The following ZNF516 variants were observed in gnomAD, a reference collection of about 807,000 sequenced individuals.
ZNF516 encodes zinc finger protein 516.
ZNF516 carries 19 observed loss-of-function variants against 79.7 expected under a neutral mutation model. That is an observed-to-expected ratio of 0.24 (90% CI 0.17 to 0.35). The LOEUF (loss-of-function observed/expected upper bound fraction) is 0.35. Among genes scored for constraint, ZNF516 ranks in the 10% least tolerant of loss-of-function variants. ZNF516 has a pLI of 1.00. For missense variants in ZNF516, 1,678 were observed against 1,679.5 expected (o/e 1.00, Z 0.02); for synonymous variants, 877 against 739.5 (o/e 1.19, Z -3.02).
intron 3 of ZNF516, among the ~76,000 whole-genome samples, chr18:76,414,153 T>C (rs1272643402): frequency 6.6e-6 from 1 of 152,232 alleles, no homozygotes; most frequent in Admixed American, 6.5e-5. Flanking sequence ...TTACATTAAA[T>C]TAGTGAAATC....
chr18:76,496,352 A>G (rs1163599664), upstream of ZNF516: 8 of 1,289,540 alleles, frequency 6.2e-6, no homozygotes, highest in Admixed American at 1.4e-4. Flanking sequence ...AAGACGCCCA[A>G]CGTGGCTCCG....
chr18:76,450,152 T>C (rs1192363853), intron 2 of ZNF516, among the ~76,000 whole-genome samples: 4 of 122,972 alleles, frequency 3.3e-5, no homozygotes. Context: ...AGAAGGCAAA[T>C]GTACCAGAAT....
chr18:76,489,589 A>C (rs1326888934), intron 1 of ZNF516, among the ~76,000 whole-genome samples: 2 of 107,472 alleles, frequency 1.9e-5, no homozygotes, highest in Non-Finnish European at 4.1e-5. Context: ...CATCTTACAA[A>C]AAAAAAAAAA....
At chr18:76,465,742 G>C (rs995718415) in intron 1 of ZNF516, among the ~76,000 whole-genome samples, 1 of 152,204 alleles carries the variant, frequency 6.6e-6, no homozygotes, top group Non-Finnish European at 1.5e-5. Flanking sequence ...TGAGGGCACA[G>C]AAGTCCCTGC....
At chr18:76,362,624 T>G (rs1274294132) in intron 6 of ZNF516, 67 bp from the exon 7 acceptor site, 2 of 1,464,960 alleles carry the variant, frequency 1.4e-6, no homozygotes, top group Non-Finnish European at 1.9e-6. Flanking sequence ...AAATGCATTT[T>G]TCCTATTAAT....
intron 3 of ZNF516, among the ~76,000 whole-genome samples, chr18:76,422,831 G>A (rs2075525544): frequency 6.6e-6 from 1 of 152,106 alleles, no homozygotes; most frequent in Non-Finnish European, 1.5e-5. Flanking sequence ...CGTAAACAAT[G>A]ACAAACTGGA....
At position 76,360,306 on chromosome 18, in the gene ZNF516, T is replaced by G. The variant is rs553612660; in HGVS notation, c.*2192A>C. ...GGGTACAGAATTTCTTTTTAATAAC[T>G]AAAACACAGAGAAACAGGACTGGGT... On this transcript the variant is annotated 3_prime_UTR_variant, in exon 7 of 7. Transcript: ENST00000443185. 2 of 152,208 alleles carry G rather than the reference T, an allele frequency of 1.3e-5. No individual in the cohort carries two copies. Among genetic ancestry groups the G allele is most frequent in the South Asian group, 4.2e-4 (2 of 4,818 alleles). The allele number at this position is 152,208 out of a possible 1,614,324, so 9.4% of individuals were successfully genotyped here.
chr18:76,435,478 C>A (rs553792574), intron 3 of ZNF516, among the ~76,000 whole-genome samples: 52 of 152,224 alleles, frequency 3.4e-4, no homozygotes, highest in African/African-American at 1.3e-3. Context: ...ATGAGGACAC[C>A]CAGGGCCCTG....
At chr18:76,431,336 A>G (rs1490726830) in intron 3 of ZNF516, among the ~76,000 whole-genome samples, 4 of 152,238 alleles carry the variant, frequency 2.6e-5, no homozygotes, top group African/African-American at 9.6e-5. Flanking sequence ...TTATGAAATA[A>G]TTCAGTGTGC....
In ZNF516 at chr18:76,459,141, C is replaced by T. The variant is rs1366572721; in HGVS notation, c.-158+3887G>A. On this transcript the variant is annotated intron_variant, in intron 2 of 6. Coordinates refer to ENST00000443185, the MANE Select transcript of ZNF516 (RefSeq NM_014643.4). The surrounding 1 kb of genome is among the most constrained non-coding windows in gnomAD (Gnocchi z 5.0). ...CACTCGTGCCCATGTGCCTGGATTA[C>T]CAGCTTCGCACAGAGCCAGACGCTG... is the stretch of plus-strand genomic sequence containing the variant. 6.6e-6 allele frequency among the ~76,000 whole-genome samples: 1 copy of T among 152,226 alleles called. No homozygotes were observed. The highest frequency in any genetic ancestry group is 2.1e-4 in the South Asian group (1 of 4,832).
chr18:76,377,320 A>C (rs762546616), intron 4 of ZNF516, among the ~76,000 whole-genome samples: 37 of 152,282 alleles, frequency 2.4e-4, no homozygotes, highest in Non-Finnish European at 3.5e-4. Flanking sequence ...CTCATCCTAA[A>C]AAGTTCACAA....
At chr18:76,381,576 T>TA (rs2145049190) in intron 3 of ZNF516, among the ~76,000 whole-genome samples, 1 of 152,324 alleles carries the variant, frequency 6.6e-6, no homozygotes, top group Non-Finnish European at 1.5e-5. Flanking sequence ...AACAAACTGG[T>TA]AACAAATCCA....
intron 3 of ZNF516, among the ~76,000 whole-genome samples, chr18:76,434,905 C>T (rs145337338): frequency 3.0e-4 from 45 of 152,376 alleles, no homozygotes; most frequent in African/African-American, 9.6e-4. Context: ...ACTTCTAATA[C>T]CACACTGTGA....
At chr18:76,415,298 C>T (rs1046033456) in intron 3 of ZNF516, among the ~76,000 whole-genome samples, 1 of 152,186 alleles carries the variant, frequency 6.6e-6, no homozygotes, top group Non-Finnish European at 1.5e-5. Context: ...ACTGATAAGG[C>T]GTGAGTGTTC....
intron 6 of ZNF516, among the ~76,000 whole-genome samples, chr18:76,362,846 A>C (rs1012516989): frequency 4.6e-5 from 7 of 152,218 alleles, no homozygotes; most frequent in Admixed American, 6.5e-5. Context: ...TAATGGTTTC[A>C]CATGTAAGAA....
chr18:76,404,138 T>A (rs930540418), intron 3 of ZNF516, among the ~76,000 whole-genome samples: 2 of 152,230 alleles, frequency 1.3e-5, no homozygotes, highest in Non-Finnish European at 2.9e-5. Context: ...CAAATGTTGC[T>A]GAAAAGTCAC....
intron 1 of ZNF516, among the ~76,000 whole-genome samples, chr18:76,468,364 T>C (rs1358644397): frequency 6.6e-6 from 1 of 151,368 alleles, no homozygotes; most frequent in Non-Finnish European, 1.5e-5. Context: ...TTCTTAAACA[T>C]TATGAGGTTT....
intron 3 of ZNF516, among the ~76,000 whole-genome samples, chr18:76,423,369 G>C (rs2145393101): frequency 6.6e-6 from 1 of 152,330 alleles, no homozygotes; most frequent in South Asian, 2.1e-4. Flanking sequence ...CACCATTTAA[G>C]CAACAAGACG....
intron 1 of ZNF516, among the ~76,000 whole-genome samples, chr18:76,464,979 G>C (rs180935388): frequency 6.6e-6 from 1 of 152,118 alleles, no homozygotes; most frequent in Non-Finnish European, 1.5e-5. Flanking sequence ...CCGTGCATCC[G>C]ATGAGGGCAG....
Sources: allele counts gnomAD v4.1 joint callset (sites outside exome capture counted in the v4.1 genomes callset), GRCh38; gene constraint gnomAD v4.1.1; non-coding constraint Gnocchi (gnomAD v3.1); transcripts MANE v1.5; gene names NCBI Gene and HGNC (gene_info 2026-07-23, HGNC 2026-07-21).